The following MTUS2 variants were observed in gnomAD, a reference collection of about 807,000 sequenced individuals.
The protein encoded by MTUS2 is microtubule associated scaffold protein 2, also known as microtubule-associated tumor suppressor candidate 2.
MTUS2 carries 40 observed loss-of-function variants against 114.1 expected under a neutral mutation model. The ratio of observed to expected loss-of-function variants is 0.35; its 90% confidence interval spans 0.27 to 0.46. MTUS2 has a LOEUF of 0.46. MTUS2 is among the 20% of genes least tolerant of loss of function. MTUS2 has a pLI of 1.00. For synonymous variants in MTUS2, 688 were observed against 672.0 expected (o/e 1.02, Z -0.37); for missense variants, 1,679 against 1,705.4 (o/e 0.98, Z 0.27).
chr13:29,130,730 A>T (rs1043853159), intron 5 of MTUS2, among the ~76,000 whole-genome samples: 1 of 151,998 alleles, frequency 6.6e-6, no homozygotes, highest in African/African-American at 2.4e-5. Context: ...CGTTCAAGTG[A>T]TTCTCCTGCC....
chr13:29,195,123 T>TA (rs981329344), intron 5 of MTUS2, among the ~76,000 whole-genome samples: 3 of 149,880 alleles, frequency 2.0e-5, no homozygotes, highest in Admixed American at 2.0e-4. Context: ...GGGATAGCAT[T>TA]AGGAGATATA....
intron 2 of MTUS2, among the ~76,000 whole-genome samples, chr13:28,964,468 A>G: frequency 6.6e-6 from 1 of 152,106 alleles, no homozygotes; most frequent in Admixed American, 6.5e-5. Flanking sequence ...CACCAGCAGC[A>G]ACGCATCTCT....
chr13:28,925,180 C>T (rs1368827169), intron 2 of MTUS2, among the ~76,000 whole-genome samples: 1 of 152,026 alleles, frequency 6.6e-6, no homozygotes, highest in African/African-American at 2.4e-5. Flanking sequence ...GAATGTTGCT[C>T]TTAATTATCT....
intron 2 of MTUS2, among the ~76,000 whole-genome samples, chr13:28,883,786 A>G (rs1416677158): frequency 1.3e-5 from 2 of 152,188 alleles, no homozygotes; most frequent in African/African-American, 4.8e-5. Context: ...GATGCTTAAT[A>G]TCACTAATCA....
intron 5 of MTUS2, among the ~76,000 whole-genome samples, chr13:29,143,138 C>T (rs918176288): frequency 5.9e-5 from 9 of 152,210 alleles, no homozygotes; most frequent in Admixed American, 4.6e-4. Flanking sequence ...AAGGCATTCT[C>T]TAAGTCCTGT....
chr13:29,150,091 A>G (rs898109653), intron 5 of MTUS2, among the ~76,000 whole-genome samples: 3 of 152,164 alleles, frequency 2.0e-5, no homozygotes, highest in Admixed American at 6.5e-5. Context: ...CATTGAATCT[A>G]TAAATTGCTT....
chr13:29,060,809 T>TTC (rs1363089262), intron 4 of MTUS2, among the ~76,000 whole-genome samples: 1 of 148,978 alleles, frequency 6.7e-6, no homozygotes, highest in East Asian at 2.0e-4. Context: ...TGACTTTTTT[T>TTC]TTTTTTTTTG....
rs567798404 is a variant in MTUS2, at chr13:28,896,986, G to A, written c.-243+57136G>A. ...CTAGGCATTACCATTCGGGACATAG[G>A]CATGGGCAAGGACTTCATGTCTAAA... On this transcript the variant is annotated intron_variant, in intron 2 of 15. Transcript: ENST00000612955. Among the ~76,000 whole-genome samples, 14 of 152,280 alleles carry A rather than the reference G, an allele frequency of 9.2e-5. No individual in the cohort carries two copies. The South Asian group carries it at 1.5e-3, about 16-fold the overall frequency.
At chr13:29,409,837 G>A (rs1176740091) in intron 8 of MTUS2, among the ~76,000 whole-genome samples, 1 of 149,608 alleles carries the variant, frequency 6.7e-6, no homozygotes, top group African/African-American at 2.5e-5. Flanking sequence ...TCCATTGAGT[G>A]ACTATACCAT....
chr13:28,979,324 A>G (rs1884255227), intron 2 of MTUS2, among the ~76,000 whole-genome samples: 1 of 152,218 alleles, frequency 6.6e-6, no homozygotes. Context: ...GAGCTGCTCT[A>G]TTATTTTTCA....
intron 2 of MTUS2, among the ~76,000 whole-genome samples, chr13:28,883,812 C>A (rs902355842): frequency 5.3e-5 from 8 of 151,974 alleles, no homozygotes; most frequent in African/African-American, 1.9e-4. Context: ...AAAATGCAAA[C>A]CAAAATTGTA....
At chr13:28,945,613 T>G (rs1452690353) in intron 2 of MTUS2, among the ~76,000 whole-genome samples, 1 of 152,204 alleles carries the variant, frequency 6.6e-6, no homozygotes, top group East Asian at 1.9e-4. Flanking sequence ...TGTTGGCCAT[T>G]TGTATGTCTT....
At position 29,483,127 on chromosome 13, in the gene MTUS2, C is replaced by A. The variant is rs528589310; in HGVS notation, c.3399+2763C>A. On this transcript the variant is annotated intron_variant, in intron 10 of 15. Transcript: ENST00000612955. ...GGACGGTTGCATTGGGCAATGCTAA[C>A]CCCACAGATAACGACATCTCTGTCC... Among the ~76,000 whole-genome samples, 4 of 152,308 alleles carry A rather than the reference C, an allele frequency of 2.6e-5. No individual in the cohort carries two copies. In the South Asian group the frequency reaches 8.3e-4, roughly 32 times the overall value.
At chr13:29,320,320 G>A (rs939526604) in intron 6 of MTUS2, among the ~76,000 whole-genome samples, 36 of 152,300 alleles carry the variant, frequency 2.4e-4, no homozygotes, top group African/African-American at 8.4e-4. Flanking sequence ...GAAGGCACCA[G>A]CCTGGCCGAC....
intron 2 of MTUS2, among the ~76,000 whole-genome samples, chr13:28,895,340 C>T (rs1460963259): frequency 6.6e-6 from 1 of 152,108 alleles, no homozygotes; most frequent in Non-Finnish European, 1.5e-5. Context: ...ACTTGTTTTT[C>T]ATGCTAATTT....
At chr13:29,015,092 G>A (rs192611762) in intron 2 of MTUS2, among the ~76,000 whole-genome samples, 1 of 152,326 alleles carries the variant, frequency 6.6e-6, no homozygotes, top group East Asian at 1.9e-4. Context: ...CAATGTTGGA[G>A]GAACAGAAAT....
At chr13:29,096,915 T>G (rs942637419) in intron 4 of MTUS2, among the ~76,000 whole-genome samples, 7 of 152,172 alleles carry the variant, frequency 4.6e-5, no homozygotes, top group Non-Finnish European at 7.3e-5. Flanking sequence ...CCCAGTATTG[T>G]TTGGCTTGCT....
At chr13:29,299,024 GT>G (rs1899073984) in intron 6 of MTUS2, among the ~76,000 whole-genome samples, 1 of 152,228 alleles carries the variant, frequency 6.6e-6, no homozygotes, top group African/African-American at 2.4e-5. Context: ...GTGGCAATTA[GT>G]TTGGGGGTAG....
chr13:28,855,158 G>A (rs931393439), intron 2 of MTUS2, among the ~76,000 whole-genome samples: 2 of 151,900 alleles, frequency 1.3e-5, no homozygotes, highest in East Asian at 1.9e-4. Flanking sequence ...TTGATATGCC[G>A]ATACGAATTG....
Sources: allele counts gnomAD v4.1 joint callset (sites outside exome capture counted in the v4.1 genomes callset), GRCh38; gene constraint gnomAD v4.1.1; transcripts MANE v1.5; gene names NCBI Gene and HGNC (gene_info 2026-07-23, HGNC 2026-07-21).